Variants in TESK2 observed in about 807,000 individuals in gnomAD.
The protein encoded by TESK2 is dual specificity testis-specific protein kinase 2.
Under a neutral mutation model 57.1 loss-of-function variants are expected in TESK2, and 39 were observed. That is an observed-to-expected ratio of 0.68 (90% CI 0.53 to 0.89). The LOEUF (loss-of-function observed/expected upper bound fraction) is 0.89. Ranked by LOEUF, TESK2 falls within the 40% of genes least tolerant of loss-of-function variation. The pLI is 0.00. For synonymous variants in TESK2, 249 were observed against 267.9 expected (o/e 0.93, Z 0.69); for missense variants, 646 against 732.1 (o/e 0.88, Z 1.36).
intron 3 of TESK2, among the ~76,000 whole-genome samples, chr1:45,402,394 TAA>T (rs538809925): frequency 2.7e-4 from 31 of 115,494 alleles, no homozygotes; most frequent in Non-Finnish European, 3.5e-4. Flanking sequence ...ATCTTGTCTT[TAA>T]AAAAAAAAAA....
intron 1 of TESK2, among the ~76,000 whole-genome samples, chr1:45,490,252 A>C (rs571762202): frequency 5.9e-5 from 9 of 152,332 alleles, no homozygotes; most frequent in African/African-American, 1.9e-4. Context: ...AAAGACTTTT[A>C]AATTACGCAA....
chr1:45,479,813 C>CTTTTTTTTTTTTTTT (rs35869444), intron 1 of TESK2, among the ~76,000 whole-genome samples: 1 of 68,530 alleles, frequency 1.5e-5, no homozygotes, highest in African/African-American at 6.6e-5. Context: ...GAAGGCCCTT[C>CTTTTTTTTTTTTTTT]TTTTTTTTTT....
At chr1:45,490,071 C>G (rs1209327514) in intron 1 of TESK2, among the ~76,000 whole-genome samples, 1 of 152,190 alleles carries the variant, frequency 6.6e-6, no homozygotes, top group African/African-American at 2.4e-5. Flanking sequence ...CGTTTTCTGC[C>G]TACCTGGCCT....
At position 45,361,185 on chromosome 1, in the gene TESK2, T is replaced by G. The variant is rs547486098; in HGVS notation, c.394-5736A>C. Reference sequence around the variant, plus strand: ...TCACTTCTCCATAAGCAACTCCCAGTGCAGACTCAGCTGGTGTGGCCTCTA... The same window carrying G: ...TCACTTCTCCATAAGCAACTCCCAGGGCAGACTCAGCTGGTGTGGCCTCTA... On this transcript the variant is annotated intron_variant, in intron 4 of 10. Coordinates refer to ENST00000372086, the MANE Select transcript of TESK2 (RefSeq NM_007170.3). Among the ~76,000 whole-genome samples, 37 of 152,288 alleles carry G rather than the reference T, an allele frequency of 2.4e-4. No individual in the cohort carries two copies. In the South Asian group the frequency reaches 7.5e-3, roughly 31 times the overall value.
intron 1 of TESK2, among the ~76,000 whole-genome samples, chr1:45,485,894 T>TC (rs1363597459): frequency 4.9e-5 from 6 of 121,350 alleles, no homozygotes; most frequent in Non-Finnish European, 1.1e-4. Context: ...ATTAAATGTA[T>TC]CTTAAAAAAA....
At chr1:45,453,975 C>A (rs1432906440) in intron 2 of TESK2, among the ~76,000 whole-genome samples, 2 of 152,140 alleles carry the variant, frequency 1.3e-5, no homozygotes, top group Non-Finnish European at 2.9e-5. Flanking sequence ...TGAGATACCA[C>A]TTTTCACACC....
intron 3 of TESK2, among the ~76,000 whole-genome samples, chr1:45,411,843 G>A (rs1650050910): frequency 2.0e-5 from 3 of 152,170 alleles, no homozygotes. Context: ...GATTTTGTCT[G>A]TGCAGCTGGC....
intron 4 of TESK2, among the ~76,000 whole-genome samples, chr1:45,377,217 T>C (rs767927491): frequency 8.6e-5 from 13 of 151,680 alleles, no homozygotes; most frequent in African/African-American, 1.2e-4. Context: ...AGCAAGACCT[T>C]GTCTCTTAAG....
rs190166723 is a variant in TESK2 at position 45,479,956 on chromosome 1, G to A, written c.-87+10896C>T. Among the ~76,000 whole-genome samples, 64 of 151,264 alleles carry A rather than the reference G, an allele frequency of 4.2e-4. 3 individuals carry two copies. Among genetic ancestry groups the A allele is most frequent in the African/African-American group, 1.5e-3 (62 of 41,290 alleles). ...TCCTGTCTCAGCCTCCCGAGTAGCT[G>A]GAACTACAGGCGCATGCCACCACAC... On this transcript the variant is annotated intron_variant, in intron 1 of 10. Coordinates refer to ENST00000372086, the MANE Select transcript of TESK2 (RefSeq NM_007170.3).
At chr1:45,444,609 A>C (rs1228052599) in intron 2 of TESK2, among the ~76,000 whole-genome samples, 1 of 152,242 alleles carries the variant, frequency 6.6e-6, no homozygotes, top group Non-Finnish European at 1.5e-5. Flanking sequence ...TCCAGAATCT[A>C]TTTGACCCCA....
intron 3 of TESK2, among the ~76,000 whole-genome samples, chr1:45,412,281 A>T (rs1323346321): frequency 1.3e-5 from 2 of 152,264 alleles, no homozygotes; most frequent in African/African-American, 4.8e-5. Context: ...AAAGTGAAGA[A>T]GGCTGAATTA....
intron 4 of TESK2, among the ~76,000 whole-genome samples, chr1:45,379,514 C>A (rs1367682581): frequency 6.6e-6 from 1 of 152,078 alleles, no homozygotes; most frequent in Non-Finnish European, 1.5e-5. Flanking sequence ...GTCACTGAAC[C>A]CATGGAGTTT....
intron 3 of TESK2, among the ~76,000 whole-genome samples, chr1:45,399,255 C>A (rs1049367839): frequency 1.3e-5 from 2 of 148,320 alleles, no homozygotes; most frequent in African/African-American, 5.0e-5. Flanking sequence ...CTCAAGCGAT[C>A]CTCCCACCTC....
intron 4 of TESK2, among the ~76,000 whole-genome samples, chr1:45,365,356 A>G (rs916728329): frequency 6.6e-6 from 1 of 152,226 alleles, no homozygotes; most frequent in Non-Finnish European, 1.5e-5. Context: ...AAAAGGGAAC[A>G]CTAGTTCTAG....
chr1:45,474,893 A>G (rs373751018), intron 1 of TESK2, among the ~76,000 whole-genome samples: 1 of 151,678 alleles, frequency 6.6e-6, no homozygotes, highest in East Asian at 1.9e-4. Context: ...GACCCGATGC[A>G]AATAATGTGA....
chr1:45,455,326 G>A (rs1405992597), intron 2 of TESK2, among the ~76,000 whole-genome samples: 2 of 152,144 alleles, frequency 1.3e-5, no homozygotes, highest in Non-Finnish European at 2.9e-5. Context: ...AGAGGAACGG[G>A]ATCTGCAAGA....
chr1:45,425,712 A>C (rs936604605), intron 2 of TESK2, among the ~76,000 whole-genome samples: 1 of 152,182 alleles, frequency 6.6e-6, no homozygotes, highest in Admixed American at 6.6e-5. Context: ...TAAGAAACTA[A>C]AGATACAAAA....
chr1:45,346,078 G>T, intron 9 of TESK2, 84 bp from the exon 10 acceptor site: 1 of 1,065,958 alleles, frequency 9.4e-7, no homozygotes, highest in Non-Finnish European at 1.5e-6. Context: ...TGGCATCTTT[G>T]AAGATTCAGA....
intron 1 of TESK2, among the ~76,000 whole-genome samples, chr1:45,471,909 T>G (rs1469785001): frequency 6.6e-6 from 1 of 152,082 alleles, no homozygotes; most frequent in Admixed American, 6.6e-5. Context: ...CTCAGCCACC[T>G]CAGCCGCCTC....
Sources: gnomAD v4.1 joint callset for allele counts (sites outside exome capture counted in the v4.1 genomes callset) on GRCh38, gnomAD v4.1.1 for gene constraint, MANE v1.5 for transcripts, NCBI Gene and HGNC (gene_info 2026-07-23, HGNC 2026-07-21) for gene names.